The following STAP2 variants were observed in gnomAD, a reference collection of about 807,000 sequenced individuals.
STAP2 encodes the protein signal-transducing adaptor protein 2.
Under a neutral mutation model 52.7 loss-of-function variants are expected in STAP2, and 58 were observed. That is an observed-to-expected ratio of 1.10 (90% confidence interval 0.89 to 1.37). The LOEUF is 1.37. STAP2 is among the 40% of genes most tolerant of loss of function. The probability of loss-of-function intolerance (pLI) is 0.00; values close to 1 mark genes in which losing one functional copy is unlikely to be tolerated. For synonymous variants in STAP2, 231 were observed against 210.5 expected (o/e 1.10, Z -0.84); for missense variants, 522 against 519.4 (o/e 1.00, Z -0.05).
rs754998915 is a variant in STAP2 at position 4,327,145 on chromosome 19, C to G, written c.742G>C (p.Glu248Gln). ...CCACCTAGCACCTTCTCGTAGTCCT[C>G]GTCTAACAGGAATGGCACCAGCGCC... ...KKALVPFLLD[E>Q]DYEKVLGYVE... The change falls in exon 8 of 13, where the codon GAG becomes CAG. Residue 248 changes from glutamate (E) to glutamine (Q), a missense_variant. Transcript: ENST00000594605. 1.2e-6 allele frequency: 2 copies of G among 1,614,190 alleles called. No homozygotes were observed. The highest frequency in any genetic ancestry group is 2.2e-5 in the South Asian group (2 of 91,078).
intron 1 of STAP2, among the ~76,000 whole-genome samples, chr19:4,335,835 G>A (rs934601067): frequency 2.0e-5 from 3 of 152,102 alleles, no homozygotes; most frequent in Non-Finnish European, 4.4e-5. Context: ...CAGGGCCTGC[G>A]TTGAGTCAAG....
chr19:4,334,716 C>A (rs2144793067), intron 1 of STAP2, among the ~76,000 whole-genome samples: 1 of 138,768 alleles, frequency 7.2e-6, no homozygotes. Flanking sequence ...ATCCATCCAT[C>A]CAGTCATTCA....
chr19:4,328,979 C>T, intron 5 of STAP2, 170 bp from the exon 6 acceptor site: 2 of 897,754 alleles, frequency 2.2e-6, no homozygotes, highest in Non-Finnish European at 3.2e-6. Context: ...TCCGGCCTTC[C>T]AGGCTCCTAG....
chr19:4,328,289 T>C (rs1238732394), intron 6 of STAP2: 1 of 94,284 alleles, frequency 1.1e-5, no homozygotes, highest in African/African-American at 4.3e-5. Flanking sequence ...CTGCCTAGCA[T>C]TGACTCCACC....
At position 4,330,047 on chromosome 19, in the gene STAP2, G is replaced by A. The variant is rs1971863834; in HGVS notation, c.369C>T (p.Thr123=). ...GGTGCCCAGGAAGCAGGGTCAAGTC[G>A]GTCGGGACACGGAGCTGAGGGGCGA... is the stretch of plus-strand genomic sequence containing the variant. The part of the protein sequence containing the change: ...ILTVVELRVP[T]DLTLLPGHLY... The change falls in exon 5 of 13, where the codon ACC becomes ACT. Residue 123 remains threonine, a synonymous_variant. Coordinates refer to ENST00000594605, the MANE Select transcript of STAP2 (RefSeq NM_001013841.2). 2 of 1,613,412 alleles carry A rather than the reference G, an allele frequency of 1.2e-6. No homozygotes were observed. The highest frequency in any genetic ancestry group is 1.1e-5 in the South Asian group (1 of 91,090).
At chr19:4,324,908 G>A in intron 11 of STAP2, 2 of 426,382 alleles carry the variant, frequency 4.7e-6, no homozygotes, top group Non-Finnish European at 8.6e-6. Flanking sequence ...GCCGAGGTGG[G>A]CGGATCACGA....
chr19:4,335,003 CATCA>C (rs1971958222), intron 1 of STAP2, among the ~76,000 whole-genome samples: 2 of 149,220 alleles, frequency 1.3e-5, no homozygotes, highest in South Asian at 2.2e-4. Context: ...TCCACCCACT[CATCA>C]ATCCATCCAC....
chr19:4,327,393 A>T lies in STAP2; in HGVS notation c.591-8T>A, dbSNP rs757541521. The T allele has an allele frequency of 5.6e-6, 9 of 1,614,046 alleles. No homozygotes were observed. Among genetic ancestry groups the T allele is most frequent in the Non-Finnish European group, 7.6e-6 (9 of 1,179,944 alleles). ...TGCCGGACCACGTGCGTCCTGCACC[A>T]GGAGAAAGCGAGTGAGTGGCTCAGC... On this transcript the variant is annotated splice_polypyrimidine_tract_variant and splice_region_variant and intron_variant, in intron 6 of 12. Coordinates refer to ENST00000594605, the MANE Select transcript of STAP2 (RefSeq NM_001013841.2).
At position 4,334,045 on chromosome 19, in the gene STAP2, C is replaced by G. The variant is rs762030886; in HGVS notation, c.103-1G>C. ...GGCCTGCCCAGAACTTCTTGTAATC[C>G]TAGGGACCAGAAGTGCAGAAAGAAG... On this transcript the variant is annotated splice_acceptor_variant, in intron 1 of 12. Transcript: ENST00000594605. LOFTEE classifies it high-confidence loss of function. The G allele has an allele frequency of 6.2e-7, 1 of 1,609,490 alleles. No individual in the cohort carries two copies.
At chr19:4,325,846 C>T (rs1052220911) in intron 9 of STAP2, among the ~76,000 whole-genome samples, 2 of 152,080 alleles carry the variant, frequency 1.3e-5, no homozygotes, top group Non-Finnish European at 2.9e-5. Context: ...TGGCAGGCTC[C>T]TGTAATCGCA....
Position 4,338,818 on chromosome 19 carries a change from TGA to T in STAP2, c.-67_-66del. 1 of 1,561,324 alleles carries T rather than the reference TGA, an allele frequency of 6.4e-7. No homozygotes were observed. ...GGGTGCCCCAGCTGGGCCGGGAAGC[TGA>T]GAAACAGGTTTCAGGGGAGTTTCCT... On this transcript the variant is annotated 5_prime_UTR_variant, in exon 1 of 13. Coordinates refer to ENST00000594605, the MANE Select transcript of STAP2 (RefSeq NM_001013841.2).
chr19:4,328,565 T>G, intron 6 of STAP2, 110 bp downstream of exon 6: 1 of 1,423,422 alleles, frequency 7.0e-7, no homozygotes, highest in East Asian at 2.5e-5. Context: ...CTCCGTCCCC[T>G]GGCCTACCCA....
chr19:4,335,824 C>T (rs1393291306), intron 1 of STAP2, among the ~76,000 whole-genome samples: 1 of 152,096 alleles, frequency 6.6e-6, no homozygotes, highest in Non-Finnish European at 1.5e-5. Context: ...ATGGGAAGCA[C>T]CAGGGCCTGC....
In STAP2 at chr19:4,325,476, A is replaced by G. The variant is rs1387834310; in HGVS notation, c.899T>C (p.Leu300Pro). The change falls in exon 10 of 13, where the codon CTG (leucine) becomes CCG (proline). Residue 300 changes from leucine to proline, a missense_variant. By Grantham distance (98) the Leu-to-Pro change is moderately conservative. Coordinates refer to ENST00000594605, the MANE Select transcript of STAP2 (RefSeq NM_001013841.2). ...PASSQDKLPPLPPLPNQEENY... is the reference protein window; with the variant it reads ...PASSQDKLPPPPPLPNQEENY... The stretch of plus-strand genomic sequence containing the variant: ...CTCTTCCTGGTTCGGTAGTGGGGGC[A>G]GTGGGGGCAGCTTGTCCTGGCTAGA... 6.2e-7 allele frequency: 1 copy of G among 1,613,652 alleles called. No homozygotes were observed. Among genetic ancestry groups the G allele is most frequent in the East Asian group, 2.2e-5 (1 of 44,876 alleles).
rs1346520977 is a variant in STAP2 at position 4,333,727 on chromosome 19, G to A, written c.264C>T (p.Ser88=). The change falls in exon 3 of 13, where the codon AGC becomes AGT. Residue 88 remains serine (S), a synonymous_variant. Coordinates refer to ENST00000594605, the MANE Select transcript of STAP2 (RefSeq NM_001013841.2). ...TGATCTCCTGATCCCGGAGAATCAG[G>A]CTGAAGTGGGTGCCAGGGTCACGTG... ...GSSRDPGTHF[S]LILRDQEIKF... is the part of the protein sequence containing the mutation. 1 of 1,612,978 alleles carries A rather than the reference G, an allele frequency of 6.2e-7. No homozygotes were observed. The highest frequency in any genetic ancestry group is 1.1e-5 in the South Asian group (1 of 91,032).
At chr19:4,326,816 T>G in intron 9 of STAP2, 126 bp downstream of exon 9, 1 of 1,240,728 alleles carries the variant, frequency 8.1e-7, no homozygotes, top group Non-Finnish European at 1.1e-6. Context: ...GTCTGAGTCA[T>G]TTCTGTCCCT....
chr19:4,336,685 A>T (rs1050820321), intron 1 of STAP2, among the ~76,000 whole-genome samples: 1 of 148,226 alleles, frequency 6.7e-6, no homozygotes, highest in Admixed American at 6.8e-5. Context: ...CCCAGGTTTG[A>T]GTGCAATGGC....
intron 1 of STAP2, 59 bp downstream of exon 1, chr19:4,338,593 G>A: frequency 1.6e-6 from 1 of 626,440 alleles, no homozygotes; most frequent in Middle Eastern, 4.3e-4. Flanking sequence ...GGGACTCAGA[G>A]AGGTGCCGCA....
intron 6 of STAP2, 73 bp downstream of exon 6, chr19:4,328,602 T>G: frequency 6.5e-7 from 1 of 1,531,566 alleles, no homozygotes; most frequent in Non-Finnish European, 8.8e-7. Context: ...CGCCCCTGCT[T>G]CTGACCACGC....
Sources: gnomAD v4.1 joint callset for allele counts (sites outside exome capture counted in the v4.1 genomes callset) on GRCh38, gnomAD v4.1.1 for gene constraint, MANE v1.5 for transcripts, NCBI Gene and HGNC (gene_info 2026-07-23, HGNC 2026-07-21) for gene names.